The following DST variants were observed in gnomAD, a reference collection of about 807,000 sequenced individuals.
DST encodes the protein dystonin.
In DST, 253 loss-of-function variants were observed where a neutral mutation model predicts 875.2. That is an observed-to-expected ratio of 0.29 (90% CI 0.26 to 0.32). DST has a LOEUF of 0.32. DST is among the 10% of genes least tolerant of loss of function. DST has a pLI of 1.00. For synonymous variants in DST, 3,124 were observed against 3,197.1 expected (o/e 0.98, Z 0.77); for missense variants, 8,287 against 9,111.6 (o/e 0.91, Z 3.68).
Position 56,601,501 on chromosome 6 carries a change from G to T in DST, c.11483C>A (p.Thr3828Asn). ...CTGAGTCTCTAAACGTTCCACCTGG[G>T]TAGTTACTGACTCCTGTACATCAAG... ...CFLDVQESVT[T>N]QVERLETQLH... Residue 3828 changes from threonine (T) to asparagine (N), a missense_variant, in exon 44 of 104, where the codon ACC (threonine) becomes AAC (asparagine). This residue lies in a region of DST where 3,138 missense variants were observed against 3,116.6 expected (regional missense o/e 1.01). Coordinates refer to ENST00000680361, the MANE Select transcript of DST (RefSeq NM_001374736.1). 1 of 1,606,214 alleles carries T rather than the reference G, an allele frequency of 6.2e-7. No individual in the cohort carries two copies. The highest frequency in any genetic ancestry group is 8.5e-7 in the Non-Finnish European group (1 of 1,176,498).
At chr6:56,589,903 T>C (rs1285034153) in intron 49 of DST, among the ~76,000 whole-genome samples, 9 of 152,250 alleles carry the variant, frequency 5.9e-5, no homozygotes, top group East Asian at 1.9e-4. Context: ...TTCATCAGAA[T>C]ATAAGTAGAA....
At chr6:56,485,864 T>C (rs1535609) in intron 87 of DST, among the ~76,000 whole-genome samples, 5,346 of 152,242 alleles carry the variant, frequency 0.035, 114 homozygotes, top group Non-Finnish European at 0.043. Flanking sequence ...ATCACCACAA[T>C]CAAGATCCAG....
At chr6:56,591,389 C>A (rs1051479779) in intron 49 of DST, among the ~76,000 whole-genome samples, 3 of 152,130 alleles carry the variant, frequency 2.0e-5, no homozygotes, top group African/African-American at 7.2e-5. Context: ...TCCTTAGAAC[C>A]GCTGAATATG....
intron 10 of DST, among the ~76,000 whole-genome samples, chr6:56,669,702 T>C (rs1345570602): frequency 6.6e-6 from 1 of 152,074 alleles, no homozygotes; most frequent in African/African-American, 2.4e-5. Context: ...CCAGATTGCC[T>C]AGGTTTGAGT....
At chr6:56,537,086 TAGCTACC>T in intron 61 of DST, 146 bp from the exon 62 acceptor site, 1 of 654,538 alleles carries the variant, frequency 1.5e-6, no homozygotes, top group East Asian at 2.8e-5. Flanking sequence ...CCATAGGTCA[TAGCTACC>T]TTCTGAAGAA....
In DST at chr6:56,528,920, C is replaced by G. The variant is rs1301592706; in HGVS notation, c.17601G>C (p.Leu5867=). The change falls in exon 67 of 104, where the codon CTG becomes CTC. Residue 5867 remains leucine, a synonymous_variant. Transcript: ENST00000680361. ...GTTTCCTGAGTAAGATGTCCTCTTGCAGAACCTGAAAACACAGGTACCATT... is the reference window on the plus strand; with the variant it reads ...GTTTCCTGAGTAAGATGTCCTCTTGGAGAACCTGAAAACACAGGTACCATT... ...LWKQQSELRV[L]QEDILLRKQN... is the part of the protein sequence containing the mutation. 2 of 1,578,808 alleles carry G rather than the reference C, an allele frequency of 1.3e-6. No individual in the cohort carries two copies. The highest frequency in any genetic ancestry group is 1.7e-6 in the Non-Finnish European group (2 of 1,159,726).
chr6:56,902,360 G>A (rs16888222), intron 2 of DST, among the ~76,000 whole-genome samples: 48,703 of 152,078 alleles, frequency 0.32, 9,138 homozygotes, highest in African/African-American at 0.52. Context: ...TCAGAGAGAT[G>A]AACAGTATGA....
chr6:56,551,632 A>G (rs2097324586), intron 61 of DST, among the ~76,000 whole-genome samples: 1 of 152,190 alleles, frequency 6.6e-6, no homozygotes, highest in Admixed American at 6.5e-5. Flanking sequence ...TAAAAAAAAA[A>G]TTCACCTCTA....
chr6:56,824,915 G>C (rs2099778190), intron 4 of DST, among the ~76,000 whole-genome samples: 1 of 152,100 alleles, frequency 6.6e-6, no homozygotes, highest in Non-Finnish European at 1.5e-5. Flanking sequence ...CCCCGTCCGG[G>C]AGGTGAGGGG....
rs909201964 is a variant in DST, at chr6:56,657,575, G to C, written c.1215-6331C>G. ...GAAGAATGGTGGTTGTCAACGGGTG[G>C]GGGGAGAGAGAAATGGGGAATTAGA... On this transcript the variant is annotated intron_variant, in intron 10 of 103. Coordinates refer to ENST00000680361, the MANE Select transcript of DST (RefSeq NM_001374736.1). Among the ~76,000 whole-genome samples, 8 of 152,088 alleles carry C rather than the reference G, an allele frequency of 5.3e-5. No individual in the cohort carries two copies. In the South Asian group the frequency reaches 1.0e-3, roughly 20 times the overall value.
intron 32 of DST, 128 bp from the exon 33 acceptor site, chr6:56,628,289 G>A (rs1203391634): frequency 1.2e-6 from 1 of 807,016 alleles, no homozygotes; most frequent in Admixed American, 2.1e-5. Context: ...TATGTATAAA[G>A]AACTCAAGGC....
At chr6:56,642,559 C>T in intron 15 of DST, 56 bp from the exon 16 acceptor site, 1 of 1,608,034 alleles carries the variant, frequency 6.2e-7, no homozygotes, top group Non-Finnish European at 8.5e-7. Context: ...AAAGAGCTCA[C>T]CATTCCTGAA....
Position 56,742,195 on chromosome 6 carries a change from A to C in DST, c.626-6906T>G, listed in dbSNP as rs2099549462. 4.2e-6 allele frequency: 4 copies of C among 950,962 alleles called. No homozygotes were observed. The Admixed American group carries it at 9.3e-5, about 22-fold the overall frequency. The allele number at this position is 950,962 out of a possible 1,614,324, so 58.9% of individuals were successfully genotyped here. A position where few individuals can be genotyped will look rare whatever the true frequency, so the allele number is the denominator to read the frequency against. On this transcript the variant is annotated intron_variant, in intron 4 of 103. Transcript: ENST00000680361. The stretch of plus-strand genomic sequence containing the variant: ...CAATCAGCTGAACTATCGCCATGCA[A>C]ACCAAAGCAGGTAGTGCAACTTTCC...
At position 56,605,425 on chromosome 6, in the gene DST, T is replaced by A. The variant is rs779845044; in HGVS notation, c.9203A>T (p.Glu3068Val). ...CAAAAGTTTGAGATGCCTATTTTCT[T>A]CTTCTACTAGACCTTCTACAAGCAC... is the stretch of plus-strand genomic sequence containing the variant. Reference protein sequence around the residue: ...GEVLVEGLVEEENRHLKLLPG... With the variant: ...GEVLVEGLVEVENRHLKLLPG... The change falls in exon 40 of 104, where the codon GAA (glutamate) becomes GTA (valine). Residue 3068 changes from glutamate to valine, a missense_variant. Transcript: ENST00000680361. 1 of 1,612,944 alleles carries A rather than the reference T, an allele frequency of 6.2e-7. No individual in the cohort carries two copies. Among genetic ancestry groups the A allele is most frequent in the South Asian group, 1.1e-5 (1 of 91,044 alleles).
chr6:56,651,111 A>G (rs374257491), intron 11 of DST, 21 bp downstream of exon 11: 1 of 1,594,274 alleles, frequency 6.3e-7, no homozygotes, highest in Non-Finnish European at 8.6e-7. Flanking sequence ...CAGTCCACAT[A>G]TAATCAAGAA....
rs765896513 is a variant in DST at position 56,630,362 on chromosome 6, C to T, written c.4164G>A (p.Val1388=). Residue 1388 remains valine (V), a synonymous_variant, in exon 31 of 104, where the codon GTG becomes GTA. Coordinates refer to ENST00000680361, the MANE Select transcript of DST (RefSeq NM_001374736.1). The part of the protein sequence containing the change: ...YIDKLKTVNL[V]LKNTQAAEAL... ...CTTCTGCAGCTTGAGTGTTTTTTAA[C>T]ACCAAGTTAACAGTTTTCAACCTTA... The T allele has an allele frequency of 2.5e-6, 4 of 1,612,702 alleles. No homozygotes were observed. Among genetic ancestry groups the T allele is most frequent in the Non-Finnish European group, 2.5e-6 (3 of 1,179,886 alleles).
intron 89 of DST, 59 bp from the exon 90 acceptor site, chr6:56,482,237 A>C (rs2095426092): frequency 1.9e-6 from 3 of 1,566,064 alleles, no homozygotes; most frequent in Non-Finnish European, 2.6e-6. Context: ...CTGTTAGCAC[A>C]ATTTACAAAA....
At chr6:56,494,632 T>A (rs2095851738) in intron 82 of DST, among the ~76,000 whole-genome samples, 1 of 152,088 alleles carries the variant, frequency 6.6e-6, no homozygotes, top group African/African-American at 2.4e-5. Context: ...TCAGAAAACA[T>A]GCAATGGATA....
At position 56,878,288 on chromosome 6, in the gene DST, A is replaced by G. The variant is rs750237121; in HGVS notation, c.417+22133T>C. Among the ~76,000 whole-genome samples the G allele has an allele frequency of 1.4e-4, 21 of 152,304 alleles. No homozygotes were observed. In the South Asian group the frequency reaches 3.1e-3, roughly 23 times the overall value. On this transcript the variant is annotated intron_variant, in intron 3 of 103. Coordinates refer to ENST00000680361, the MANE Select transcript of DST (RefSeq NM_001374736.1). ...CCTTAAACCAAGGGAGAGGGCTTCA[A>G]GGAGACACCTTGAAGGGTAAAACAT...
Sources: allele counts gnomAD v4.1 joint callset (sites outside exome capture counted in the v4.1 genomes callset), GRCh38; gene constraint gnomAD v4.1.1; regional missense constraint gnomAD v4.1.1; transcripts MANE v1.5; gene names NCBI Gene and HGNC (gene_info 2026-07-23, HGNC 2026-07-21).